Variants in VPS8 observed in about 807,000 individuals in gnomAD.
The protein encoded by VPS8 is VPS8 subunit of CORVET complex.
VPS8 carries 129 observed loss-of-function variants against 216.4 expected under a neutral mutation model. The ratio of observed to expected loss-of-function variants is 0.60; its 90% CI spans 0.52 to 0.69. The LOEUF is 0.69. VPS8 is among the 30% of genes least tolerant of loss of function. The pLI, the probability that VPS8 is intolerant of heterozygous loss-of-function variation, is 0.00. For missense variants in VPS8, 1,531 were observed against 1,683.5 expected (o/e 0.91, Z 1.59); for synonymous variants, 571 against 565.4 (o/e 1.01, Z -0.14).
At chr3:184,822,141 T>G (rs1717743418) in intron 1 of VPS8, among the ~76,000 whole-genome samples, 1 of 152,120 alleles carries the variant, frequency 6.6e-6, no homozygotes, top group Non-Finnish European at 1.5e-5. Context: ...AGACTTGATT[T>G]ATTTATTTTA....
Position 185,048,500 on chromosome 3 carries a change from G to C in VPS8, c.4078G>C (p.Asp1360His), listed in dbSNP as rs918278021. The change falls in exon 47 of 48, where the codon GAT (aspartate) becomes CAT (histidine). Residue 1360 changes from aspartate (D) to histidine (H), a missense_variant. Physicochemically the swap from Asp to His is moderately conservative, Grantham distance 81. Coordinates refer to ENST00000625842, the MANE Select transcript of VPS8 (RefSeq NM_001009921.3). The part of the protein sequence containing the change: ...AKKGTSEPVL[D>H]PQQIQAFDQL... ...TCAGGGAACCTCAGAACCTGTTCTG[G>C]ATCCACAGCAAATCCAAGCATTTGA... 2.5e-6 allele frequency: 4 copies of C among 1,613,874 alleles called. No homozygotes were observed. The highest frequency in any genetic ancestry group is 3.4e-6 in the Non-Finnish European group (4 of 1,179,908).
At chr3:185,019,226 G>A (rs114449400) in intron 45 of VPS8, among the ~76,000 whole-genome samples, 4,766 of 152,150 alleles carry the variant, frequency 0.031, 88 homozygotes, top group Non-Finnish European at 0.045. Context: ...TTAGTTCCAC[G>A]TTCTCCAACC....
At chr3:185,036,531 T>C (rs544168199) in intron 46 of VPS8, among the ~76,000 whole-genome samples, 1 of 151,890 alleles carries the variant, frequency 6.6e-6, no homozygotes, top group Admixed American at 6.6e-5. Context: ...ATTTAATAAA[T>C]GGTGCTGTAT....
At position 184,950,216 on chromosome 3, in the gene VPS8, C is replaced by CTTTTTTTTTTTTTTTTTTTTTTTTTTT. The variant is rs10700220; in HGVS notation, c.3036-7156_3036-7130dup. ...AGCAACCACGCCCAGCAGTTTTCTG[C>CTTTTTTTTTTTTTTTTTTTTTTTTTTT]TTTTTTTTTTTTTTTTTTTTTTTTT... is the stretch of plus-strand genomic sequence containing the variant. On this transcript the variant is annotated intron_variant, in intron 36 of 47. Transcript: ENST00000625842. Among the ~76,000 whole-genome samples the CTTTTTTTTTTTTTTTTTTTTTTTTTTT allele has an allele frequency of 5.0e-5, 2 of 39,930 alleles. 1 individual carries two copies. Among genetic ancestry groups the CTTTTTTTTTTTTTTTTTTTTTTTTTTT allele is most frequent in the Non-Finnish European group, 8.3e-5 (2 of 24,118 alleles). 26.2% of individuals were successfully genotyped at this position (39,930 alleles called of 152,430 possible). A position where few individuals can be genotyped will look rare whatever the true frequency, so the allele number is the denominator to read the frequency against.
chr3:184,982,417 A>T, intron 40 of VPS8, 149 bp from the exon 41 acceptor site: 17 of 546,172 alleles, frequency 3.1e-5, no homozygotes, highest in Non-Finnish European at 4.4e-5. Flanking sequence ...AAATATTTCC[A>T]TTTTTATTTT....
chr3:185,048,681 T>C, intron 47 of VPS8, 122 bp downstream of exon 47: 1 of 1,030,104 alleles, frequency 9.7e-7, no homozygotes, highest in Non-Finnish European at 1.4e-6. Context: ...CTGGCATCCC[T>C]GTTATGGCTA....
chr3:185,016,698 T>C (rs973474072), intron 45 of VPS8, among the ~76,000 whole-genome samples: 1 of 152,242 alleles, frequency 6.6e-6, no homozygotes, highest in African/African-American at 2.4e-5. Context: ...ACTGAATTAA[T>C]GGCTCTTAAA....
intron 7 of VPS8, among the ~76,000 whole-genome samples, chr3:184,842,764 A>T (rs766584080): frequency 6.6e-6 from 1 of 152,188 alleles, no homozygotes; most frequent in Non-Finnish European, 1.5e-5. Flanking sequence ...ATTAAGAAAG[A>T]AACCATTATA....
chr3:184,839,733 T>C lies in VPS8; in HGVS notation c.516T>C (p.His172=), dbSNP rs1177445184. 6.2e-7 allele frequency: 1 copy of C among 1,605,338 alleles called. No homozygotes were observed. Among genetic ancestry groups the C allele is most frequent in the Non-Finnish European group, 8.5e-7 (1 of 1,175,252 alleles). ...VSSLIAVGTS[H]GLALIFGKDQ... ...GTCTGATAGCAGTGGGTACATCTCA[T>C]GGATTGGCTTTAATATTTGGTAAAT... The change falls in exon 7 of 48, where the codon CAT becomes CAC. Residue 172 remains histidine, a synonymous_variant. Transcript: ENST00000625842.
At chr3:184,839,100 A>G in intron 6 of VPS8, 1 of 225,196 alleles carries the variant, frequency 4.4e-6, no homozygotes, top group Non-Finnish European at 8.6e-6. Context: ...TTTGTGGAAA[A>G]TAGTACATTT....
chr3:184,857,447 T>C (rs1344360070), intron 14 of VPS8, among the ~76,000 whole-genome samples: 1 of 152,266 alleles, frequency 6.6e-6, no homozygotes, highest in African/African-American at 2.4e-5. Flanking sequence ...ATGGGATGTT[T>C]CATTCATGTC....
rs942607146 is a variant in VPS8 at position 184,841,169 on chromosome 3, T to A, written c.535+1417T>A. On this transcript the variant is annotated intron_variant, in intron 7 of 47. Transcript: ENST00000625842. ...AAAAGACTCTTAAAACCTATATAGT[T>A]GATATATAGTCATAGTAGAAAATAT... Among the ~76,000 whole-genome samples, 6 of 152,126 alleles carry A rather than the reference T, an allele frequency of 3.9e-5. No homozygotes were observed. The South Asian group carries it at 1.2e-3, about 31-fold the overall frequency.
intron 21 of VPS8, chr3:184,882,553 A>T (rs182760409): frequency 5.4e-5 from 17 of 313,580 alleles, no homozygotes; most frequent in Non-Finnish European, 1.0e-4. Flanking sequence ...AGGTTTTTGT[A>T]TCAGGGTAAT....
At chr3:184,986,311 T>G (rs1751062207) in intron 42 of VPS8, among the ~76,000 whole-genome samples, 1 of 152,120 alleles carries the variant, frequency 6.6e-6, no homozygotes, top group African/African-American at 2.4e-5. Flanking sequence ...GAACATAGGA[T>G]AAGAATAAAG....
intron 20 of VPS8, 107 bp downstream of exon 20, chr3:184,869,635 G>A (rs543705226): frequency 2.1e-4 from 239 of 1,146,048 alleles, no homozygotes; most frequent in Middle Eastern, 8.1e-4. Context: ...CTAGAAGAGA[G>A]TGTATTAAAA....
Position 184,849,286 on chromosome 3 carries a change from G to T in VPS8, c.666+91G>T, listed in dbSNP as rs571806138. 5 of 1,408,440 alleles carry T rather than the reference G, an allele frequency of 3.6e-6. No homozygotes were observed. The South Asian group carries it at 6.7e-5, about 19-fold the overall frequency. The allele number at this position is 1,408,440 out of a possible 1,614,324, so 87.2% of individuals were successfully genotyped here. ...CATCTTAGATCAAAGACCAAAATAC[G>T]TGTTATGAAGTAATATGTTTGTAGA... On this transcript the variant is annotated intron_variant, in intron 9 of 47. Transcript: ENST00000625842.
At chr3:184,966,071 T>A (rs967390611) in intron 38 of VPS8, among the ~76,000 whole-genome samples, 3 of 152,176 alleles carry the variant, frequency 2.0e-5, no homozygotes, top group Non-Finnish European at 4.4e-5. Context: ...TGGCTCACAG[T>A]TCTGCAGGCT....
chr3:184,898,981 C>A (rs1734000592), intron 24 of VPS8, among the ~76,000 whole-genome samples: 1 of 151,902 alleles, frequency 6.6e-6, no homozygotes, highest in African/African-American at 2.4e-5. Context: ...TCTAAAGATA[C>A]GAAAAATTTA....
chr3:184,930,259 A>G (rs1740446934), intron 33 of VPS8, among the ~76,000 whole-genome samples: 1 of 152,218 alleles, frequency 6.6e-6, no homozygotes, highest in African/African-American at 2.4e-5. Flanking sequence ...TCAAACCAAA[A>G]TTAATTAGAA....
Sources: allele counts gnomAD v4.1 joint callset (sites outside exome capture counted in the v4.1 genomes callset), GRCh38; gene constraint gnomAD v4.1.1; transcripts MANE v1.5; gene names NCBI Gene and HGNC (gene_info 2026-07-23, HGNC 2026-07-21).